Variants in WWOX observed in about 807,000 individuals in gnomAD.
The protein encoded by WWOX is WW domain-containing oxidoreductase.
WWOX carries 69 observed loss-of-function variants against 46.2 expected under a neutral mutation model. The observed-to-expected ratio is 1.49, with a 90% CI of 1.23 to 1.82. The LOEUF is 1.82. Among genes scored for constraint, WWOX ranks in the 40% most tolerant of loss-of-function variants. The pLI, the probability that WWOX is intolerant of heterozygous loss-of-function variation, is 0.00. For missense variants in WWOX, 919 were observed against 542.6 expected, an observed-to-expected ratio of 1.69 and a Z score of -6.89; for synonymous variants, 359 against 202.6, an observed-to-expected ratio of 1.77 and a Z score of -6.56.
At chr16:78,657,687 G>C (rs766468225) in intron 8 of WWOX, among the ~76,000 whole-genome samples, 1 of 152,114 alleles carries the variant, frequency 6.6e-6, no homozygotes, top group Non-Finnish European at 1.5e-5. Context: ...GATTCTCAGT[G>C]GACAAGAGGT....
At chr16:78,920,193 C>G (rs1011516304) in intron 8 of WWOX, among the ~76,000 whole-genome samples, 1 of 152,092 alleles carries the variant, frequency 6.6e-6, no homozygotes, top group Non-Finnish European at 1.5e-5. Context: ...CAGCTTCTCT[C>G]TAGGACTCCA....
intron 8 of WWOX, among the ~76,000 whole-genome samples, chr16:79,004,905 C>G (rs576419784): frequency 6.6e-5 from 10 of 152,174 alleles, no homozygotes; most frequent in Middle Eastern, 6.8e-3. Flanking sequence ...AATTTCACAG[C>G]TTAATTCTGG....
intron 8 of WWOX, among the ~76,000 whole-genome samples, chr16:78,653,850 T>C (rs2142151124): frequency 6.6e-6 from 1 of 152,372 alleles, no homozygotes; most frequent in African/African-American, 2.4e-5. Context: ...ACCAACTTAA[T>C]ATTTTGAGTT....
chr16:78,314,117 A>C (rs963862954), intron 5 of WWOX, among the ~76,000 whole-genome samples: 9 of 152,158 alleles, frequency 5.9e-5, no homozygotes, highest in African/African-American at 2.2e-4. Flanking sequence ...CTAAGAAAGT[A>C]CAGGAGAGGC....
chr16:78,707,309 T>C (rs1290489891), intron 8 of WWOX, among the ~76,000 whole-genome samples: 1 of 152,224 alleles, frequency 6.6e-6, no homozygotes, highest in Non-Finnish European at 1.5e-5. Flanking sequence ...TCTACATTTC[T>C]CAACAATTGT....
chr16:79,018,342 A>T (rs769845688), intron 8 of WWOX, among the ~76,000 whole-genome samples: 21 of 152,224 alleles, frequency 1.4e-4, no homozygotes, highest in Non-Finnish European at 2.1e-4. Flanking sequence ...TTTGGAGCCA[A>T]AGCCAAATAG....
At chr16:78,812,334 C>T (rs907182188) in intron 8 of WWOX, among the ~76,000 whole-genome samples, 1 of 152,084 alleles carries the variant, frequency 6.6e-6, no homozygotes, top group Non-Finnish European at 1.5e-5. Flanking sequence ...TTTTGAGACC[C>T]TCAGGGTGAC....
chr16:78,930,907 T>C (rs996181242), intron 8 of WWOX, among the ~76,000 whole-genome samples: 3 of 152,136 alleles, frequency 2.0e-5, no homozygotes, highest in Non-Finnish European at 4.4e-5. Context: ...GGTCAATTAG[T>C]TCTGGGTTCG....
intron 8 of WWOX, among the ~76,000 whole-genome samples, chr16:78,481,769 GCGCC>G (rs2084498126): frequency 6.6e-6 from 1 of 151,032 alleles, no homozygotes; most frequent in Non-Finnish European, 1.5e-5. Flanking sequence ...GTGTGTGCGC[GCGCC>G]TGCATGTGTA....
intron 8 of WWOX, among the ~76,000 whole-genome samples, chr16:78,567,866 A>G (rs2044612315): frequency 6.6e-6 from 1 of 152,116 alleles, no homozygotes; most frequent in Non-Finnish European, 1.5e-5. Context: ...TCAAGCCTGC[A>G]GCTCGTCCCG....
intron 8 of WWOX, among the ~76,000 whole-genome samples, chr16:78,477,639 A>T (rs1452040364): frequency 6.6e-6 from 1 of 152,200 alleles, no homozygotes; most frequent in African/African-American, 2.4e-5. Context: ...GATAATTAAT[A>T]GTGAAATCAT....
intron 8 of WWOX, among the ~76,000 whole-genome samples, chr16:78,555,291 C>T (rs776797781): frequency 2.0e-5 from 3 of 151,518 alleles, no homozygotes; most frequent in Admixed American, 1.3e-4. Context: ...TTCAACCAAA[C>T]TGAAAGGGAA....
At chr16:78,702,441 A>C (rs1484397700) in intron 8 of WWOX, among the ~76,000 whole-genome samples, 1 of 151,956 alleles carries the variant, frequency 6.6e-6, no homozygotes, top group African/African-American at 2.4e-5. Context: ...CCATGAGGTC[A>C]GGAGTTTGAG....
At chr16:78,252,001 G>C (rs777394313) in intron 5 of WWOX, among the ~76,000 whole-genome samples, 62 of 152,184 alleles carry the variant, frequency 4.1e-4, no homozygotes, top group Admixed American at 1.6e-3. Flanking sequence ...CTTCAGATCT[G>C]GCAAGTGTCA....
At chr16:79,142,467 G>C (rs182159885) in intron 8 of WWOX, among the ~76,000 whole-genome samples, 2 of 152,178 alleles carry the variant, frequency 1.3e-5, no homozygotes, top group East Asian at 3.9e-4. Context: ...CTACACATCA[G>C]GGCTCCCTCC....
Position 78,115,103 on chromosome 16 carries a change from C to T in WWOX, c.358C>T (p.Arg120Trp), listed in dbSNP as rs141361080. 11,991 of 1,614,110 alleles carry T rather than the reference C, an allele frequency of 7.4e-3. 71 individuals are homozygous for T. Among genetic ancestry groups the T allele is most frequent in the South Asian group, 0.017 (1,539 of 91,074 alleles). The change falls in exon 4 of 9, where the codon CGG (arginine) becomes TGG (tryptophan). Residue 120 changes from arginine (R) to tryptophan (W), a missense_variant. Coordinates refer to ENST00000566780, the MANE Select transcript of WWOX (RefSeq NM_016373.4). ...STTAMEILQG[R>W]DFTGKVVVVT... is the part of the protein sequence containing the mutation. ...CACTGCCATGGAAATTCTCCAGGGC[C>T]GGGATTTCACTGGCAAAGTGGTTGT... is the stretch of plus-strand genomic sequence containing the variant.
At chr16:78,529,627 T>C (rs2043570187) in intron 8 of WWOX, among the ~76,000 whole-genome samples, 2 of 151,962 alleles carry the variant, frequency 1.3e-5, no homozygotes, top group Non-Finnish European at 2.9e-5. Flanking sequence ...CCATCACACC[T>C]GGCAATTTTT....
At chr16:78,240,944 G>C (rs1597391253) in intron 5 of WWOX, among the ~76,000 whole-genome samples, 1 of 152,132 alleles carries the variant, frequency 6.6e-6, no homozygotes, top group African/African-American at 2.4e-5. Context: ...GCAAGGTATC[G>C]CTTGTCTCAG....
At chr16:78,240,430 C>T (rs376362300) in intron 5 of WWOX, among the ~76,000 whole-genome samples, 11 of 152,224 alleles carry the variant, frequency 7.2e-5, no homozygotes, top group East Asian at 1.9e-4. Flanking sequence ...CCAAGAGATG[C>T]CACGGTCATG....
Sources: allele counts gnomAD v4.1 joint callset (sites outside exome capture counted in the v4.1 genomes callset), GRCh38; gene constraint gnomAD v4.1.1; transcripts MANE v1.5; gene names NCBI Gene and HGNC (gene_info 2026-07-23, HGNC 2026-07-21).